PAPLN: variants seen among roughly 807,000 people sequenced by gnomAD.
PAPLN encodes the protein papilin.
In PAPLN, 146 loss-of-function variants were observed where a neutral mutation model predicts 159.0. The ratio of observed to expected loss-of-function variants is 0.92; its 90% CI spans 0.80 to 1.05. The LOEUF (loss-of-function observed/expected upper bound fraction) is 1.05. PAPLN is among the 50% of genes least tolerant of loss of function. PAPLN has a pLI of 0.00. For synonymous variants in PAPLN, 734 were observed against 702.9 expected (o/e 1.04, Z -0.70); for missense variants, 1,720 against 1,743.9 (o/e 0.99, Z 0.24).
At chr14:73,251,922 G>A in intron 9 of PAPLN, 86 bp downstream of exon 9, 1 of 1,544,142 alleles carries the variant, frequency 6.5e-7, no homozygotes, top group Non-Finnish European at 8.7e-7. Flanking sequence ...GGGGTTGAGT[G>A]GCTCTGGGCT....
Position 73,266,577 on chromosome 14 carries a change from G to A in PAPLN, c.3340G>A (p.Ala1114Thr), listed in dbSNP as rs61745771. The change falls in exon 24 of 27, where the codon GCT becomes ACT. Residue 1114 changes from alanine to threonine, a missense_variant. By Grantham distance (58) the Ala-to-Thr change is moderately conservative. Transcript: ENST00000644200. ...AGATGGCGGCTTCTACACCTGTGTC[G>A]CTTTCAATGGGCAGGACCGAGACCA... ...VEDGGFYTCV[A>T]FNGQDRDQRW... is the part of the protein sequence containing the mutation. The A allele has an allele frequency of 6.3e-3, 10,136 of 1,614,148 alleles. 48 individuals are homozygous for A. The highest frequency in any genetic ancestry group is 0.011 in the East Asian group (514 of 44,884).
chr14:73,248,106 T>TGTGTGTGTGTGC lies in PAPLN; in HGVS notation c.335-1877_335-1876insTGTGTGTGTGCG, dbSNP rs139626596. Among the ~76,000 whole-genome samples, 56 of 78,508 alleles carry TGTGTGTGTGTGC rather than the reference T, an allele frequency of 7.1e-4. 4 individuals carry two copies. Among genetic ancestry groups the TGTGTGTGTGTGC allele is most frequent in the African/African-American group, 2.4e-3 (42 of 17,398 alleles). 51.5% of individuals were successfully genotyped at this position (78,508 alleles called of 152,430 possible). On this transcript the variant is annotated intron_variant, in intron 5 of 26. Coordinates refer to ENST00000644200, the MANE Select transcript of PAPLN (RefSeq NM_001365906.3). ...GTGTGTGTGTGTGTGTGTGTGTGTG[T>TGTGTGTGTGTGC]GCGCGTGTGTGTGTTGTGGGGATCG...
chr14:73,271,279 T>G (rs571715294), intron 26 of PAPLN, among the ~76,000 whole-genome samples: 1 of 152,112 alleles, frequency 6.6e-6, no homozygotes, highest in Non-Finnish European at 1.5e-5. Flanking sequence ...CTATATAAAT[T>G]TAGGTAGGTA....
chr14:73,252,682 A>G lies in PAPLN; in HGVS notation c.1001A>G (p.Asp334Gly), dbSNP rs1465190816. ...HQSRLVFCTI[D>G]HEAYPDHMCQ... ...TCCCGCCTGGTGTTCTGCACCATCG[A>G]CCATGAGGCCTACCCCGACCACATG... Residue 334 changes from aspartate to glycine, a missense_variant, in exon 11 of 27, where the codon GAC (aspartate) becomes GGC (glycine). Coordinates refer to ENST00000644200, the MANE Select transcript of PAPLN (RefSeq NM_001365906.3). The G allele has an allele frequency of 6.2e-7, 1 of 1,613,268 alleles. No individual in the cohort carries two copies. The highest frequency in any genetic ancestry group is 1.1e-5 in the South Asian group (1 of 91,076).
At chr14:73,243,294 G>C (rs552874480) in intron 2 of PAPLN, 1 of 152,338 alleles carries the variant, frequency 6.6e-6, no homozygotes, top group East Asian at 1.9e-4. Flanking sequence ...GTGCCCGGCT[G>C]CTTTTCTGTG....
At chr14:73,266,168 A>G (rs1887195071) in intron 23 of PAPLN, among the ~76,000 whole-genome samples, 1 of 152,118 alleles carries the variant, frequency 6.6e-6, no homozygotes, top group African/African-American at 2.4e-5. Flanking sequence ...CTGAAACCCC[A>G]TCTCTACTAA....
At position 73,259,339 on chromosome 14, in the gene PAPLN, T is replaced by A. The variant is rs771478649; in HGVS notation, c.1779T>A (p.Gly593=). 6 of 1,609,288 alleles carry A rather than the reference T, an allele frequency of 3.7e-6. No individual in the cohort carries two copies. In the East Asian group the frequency reaches 1.3e-4, roughly 36 times the overall value. The change falls in exon 16 of 27, where the codon GGT becomes GGA. Residue 593 remains glycine, a synonymous_variant. Transcript: ENST00000644200. ...SARGDHRGER[G]DPRGDQGTHL... is the part of the protein sequence containing the mutation. Reference sequence around the variant, plus strand: ...GGGGTGACCACAGGGGAGAACGAGGTGACCCCAGGGGCGACCAAGGCACCC... The same window carrying A: ...GGGGTGACCACAGGGGAGAACGAGGAGACCCCAGGGGCGACCAAGGCACCC...
At chr14:73,251,177 C>T (rs543270406) in intron 7 of PAPLN, 147 bp downstream of exon 7, 2 of 1,371,034 alleles carry the variant, frequency 1.5e-6, no homozygotes, top group East Asian at 2.3e-5. Context: ...ATCTGAAAGG[C>T]CCCCTGTGGC....
At chr14:73,246,015 A>G in intron 4 of PAPLN, 58 bp from the exon 5 acceptor site, 1 of 1,436,508 alleles carries the variant, frequency 7.0e-7, no homozygotes, top group Non-Finnish European at 9.2e-7. Context: ...GCGGGGCGGG[A>G]GGTGGGCGGA....
intron 8 of PAPLN, 32 bp from the exon 9 acceptor site, chr14:73,251,632 T>C: frequency 1.2e-6 from 2 of 1,613,504 alleles, no homozygotes; most frequent in Non-Finnish European, 1.7e-6. Context: ...CACTGCTCCC[T>C]CTGGCTGACT....
rs1318566127 is a variant in PAPLN at position 73,254,513 on chromosome 14, T to C, written c.1303T>C (p.Cys435Arg). The C allele has an allele frequency of 2.5e-6, 4 of 1,613,764 alleles. No homozygotes were observed. Among genetic ancestry groups the C allele is most frequent in the Admixed American group, 3.3e-5 (2 of 59,998 alleles). ...TCTGCTGACAGCCTTGTCCTTGCAG[T>C]GTTCTGTCAGTTGTGGCGTTGGCGT... ...AAWSPEPWGE[C>R]SVSCGVGVRK... The change falls in exon 13 of 27, where the codon TGT becomes CGT. Residue 435 changes from cysteine to arginine, a missense_variant and splice_region_variant. Coordinates refer to ENST00000644200, the MANE Select transcript of PAPLN (RefSeq NM_001365906.3).
At position 73,245,536 on chromosome 14, in the gene PAPLN, A is replaced by T. The variant is rs549528634; in HGVS notation, c.171-100A>T. 705 of 1,338,684 alleles carry T rather than the reference A, an allele frequency of 5.3e-4. No homozygotes were observed. The highest frequency in any genetic ancestry group is 6.8e-4 in the Non-Finnish European group (659 of 974,748). The allele number at this position is 1,338,684 out of a possible 1,614,324, so 82.9% of individuals were successfully genotyped here. A position where few individuals can be genotyped will look rare whatever the true frequency, so the allele number is the denominator to read the frequency against. On this transcript the variant is annotated intron_variant, in intron 3 of 26. Coordinates refer to ENST00000644200, the MANE Select transcript of PAPLN (RefSeq NM_001365906.3). This position sits in a 1 kb window ranked among gnomAD's most constrained non-coding sequence, Gnocchi z 4.2. ...GACACCCTCTCACCTTGCTGCTCCC[A>T]CTGGAGAGTCCCGCAGAAGTTGGGG...
In PAPLN at chr14:73,245,379, C is replaced by T; in HGVS notation, c.171-257C>T. 1.9e-6 allele frequency: 1 copy of T among 527,256 alleles called. No homozygotes were observed. Among genetic ancestry groups the T allele is most frequent in the South Asian group, 2.3e-5 (1 of 43,284 alleles). The allele number at this position is 527,256 out of a possible 1,614,324, so 32.7% of individuals were successfully genotyped here. A position where few individuals can be genotyped will look rare whatever the true frequency, so the allele number is the denominator to read the frequency against. On this transcript the variant is annotated intron_variant, in intron 3 of 26. Coordinates refer to ENST00000644200, the MANE Select transcript of PAPLN (RefSeq NM_001365906.3). This position sits in a 1 kb window ranked among gnomAD's most constrained non-coding sequence, Gnocchi z 4.2. ...ACCTCGGGTCTTCTCTGGGAATCTG[C>T]CTAAGATGCAGTGGAGTGGTCCCGC... is the stretch of plus-strand genomic sequence containing the variant.
At chr14:73,272,463 C>T in intron 26 of PAPLN, 32 bp from the exon 27 acceptor site, 1 of 1,486,078 alleles carries the variant, frequency 6.7e-7, no homozygotes, top group Non-Finnish European at 9.0e-7. Flanking sequence ...AGAGCTTCCT[C>T]ACCACCTTCT....
intron 25 of PAPLN, chr14:73,268,239 CTGGGTCTGG>C (rs1887406912): frequency 3.7e-6 from 1 of 271,922 alleles, no homozygotes; most frequent in Non-Finnish European, 6.9e-6. Flanking sequence ...GACACACTAT[CTGGGTCTGG>C]ACTCTTGAGC....
intron 1 of PAPLN, among the ~76,000 whole-genome samples, chr14:73,238,612 G>T (rs1370549820): frequency 6.6e-6 from 1 of 152,256 alleles, no homozygotes; most frequent in African/African-American, 2.4e-5. Context: ...CTAGCAGGGG[G>T]CTCCTGCTCT....
At position 73,266,987 on chromosome 14, in the gene PAPLN, A is replaced by G. The variant is rs143906302; in HGVS notation, c.3500+156A>G. ...AGAGGGCTGCAGCACCCTCATCCCTACAGAGCAAAGCTCTGTAGGGCCACT... is the reference window on the plus strand; with the variant it reads ...AGAGGGCTGCAGCACCCTCATCCCTGCAGAGCAAAGCTCTGTAGGGCCACT... On this transcript the variant is annotated intron_variant, in intron 25 of 26. Coordinates refer to ENST00000644200, the MANE Select transcript of PAPLN (RefSeq NM_001365906.3). Among the ~76,000 whole-genome samples, 156 of 152,154 alleles carry G rather than the reference A, an allele frequency of 1.0e-3. 1 individual carries two copies. The highest frequency in any genetic ancestry group is 2.3e-3 in the African/African-American group (94 of 41,524).
In PAPLN at chr14:73,261,118, T is replaced by A. The variant is rs1238196445; in HGVS notation, c.2107-38T>A. On this transcript the variant is annotated intron_variant, in intron 17 of 26. Coordinates refer to ENST00000644200, the MANE Select transcript of PAPLN (RefSeq NM_001365906.3). ...CCCAGAGTCCCCAACAATGGCCAGA[T>A]CCACTGCCCACTTCCCAATCATGGG... is the stretch of plus-strand genomic sequence containing the variant. 3 of 1,613,696 alleles carry A rather than the reference T, an allele frequency of 1.9e-6. No individual in the cohort carries two copies. The Admixed American group carries it at 5.0e-5, about 27-fold the overall frequency.
In PAPLN at chr14:73,251,493, C is replaced by G. The variant is rs776640094; in HGVS notation, c.597C>G (p.Asn199Lys). ...FDANDLSRGY[N>K]QILIVPMGAT... ...CTGCGTCTCTGCCCCCAGGCTACAACCAGATCCTCATAGTTCCCATGGGTG... is the reference window on the plus strand; with the variant it reads ...CTGCGTCTCTGCCCCCAGGCTACAAGCAGATCCTCATAGTTCCCATGGGTG... Residue 199 changes from asparagine (N) to lysine (K), a missense_variant, in exon 8 of 27, where the codon AAC becomes AAG. Coordinates refer to ENST00000644200, the MANE Select transcript of PAPLN (RefSeq NM_001365906.3). The G allele has an allele frequency of 5.0e-6, 8 of 1,607,188 alleles. No individual in the cohort carries two copies. The highest frequency in any genetic ancestry group is 6.8e-6 in the Non-Finnish European group (8 of 1,179,830).
Sources: allele counts gnomAD v4.1 joint callset (sites outside exome capture counted in the v4.1 genomes callset), GRCh38; gene constraint gnomAD v4.1.1; non-coding constraint Gnocchi (gnomAD v3.1); transcripts MANE v1.5; gene names NCBI Gene and HGNC (gene_info 2026-07-23, HGNC 2026-07-21).